Variants in PLA2G7 observed in about 807,000 individuals in gnomAD.
PLA2G7 encodes phospholipase A2 group VII, also known as platelet-activating factor acetylhydrolase.
PLA2G7 carries 63 observed loss-of-function variants against 49.6 expected under a neutral mutation model. The ratio of observed to expected loss-of-function variants is 1.27; its 90% confidence interval spans 1.04 to 1.57. PLA2G7 has a LOEUF of 1.57. Among genes scored for constraint, PLA2G7 ranks in the 40% most tolerant of loss-of-function variants. The probability of loss-of-function intolerance (pLI) is 0.00; values close to 1 mark genes in which losing one functional copy is unlikely to be tolerated. For missense variants in PLA2G7, 596 were observed against 521.2 expected (o/e 1.14, Z -1.40); for synonymous variants, 193 against 169.9 (o/e 1.14, Z -1.06).
Position 46,716,547 on chromosome 6 carries a change from A to T in PLA2G7, c.232-19T>A. On this transcript the variant is annotated intron_variant, in intron 3 of 11. Transcript: ENST00000274793. The stretch of plus-strand genomic sequence containing the variant: ...AGGTGCCCTGTTAAGAAAGAAATTA[A>T]TGCACTTTTAGAGAAGTTGTGTCTC... The T allele has an allele frequency of 6.2e-7, 1 of 1,612,492 alleles. No individual in the cohort carries two copies. The highest frequency in any genetic ancestry group is 8.5e-7 in the Non-Finnish European group (1 of 1,178,780).
intron 10 of PLA2G7, among the ~76,000 whole-genome samples, chr6:46,707,756 T>A (rs957125126): frequency 6.6e-6 from 1 of 152,194 alleles, no homozygotes; most frequent in Non-Finnish European, 1.5e-5. Flanking sequence ...TATTTCCATA[T>A]AGCAATGCAA....
At position 46,711,439 on chromosome 6, in the gene PLA2G7, C is replaced by T. The variant is rs1765016468; in HGVS notation, c.663+57G>A. On this transcript the variant is annotated intron_variant, in intron 7 of 11. Transcript: ENST00000274793. Reference sequence around the variant, plus strand: ...GGTGTAAAATTAAATTAACAAATGTCATCCTTTTGTACATGCTTTTAGGTC... The same window carrying T: ...GGTGTAAAATTAAATTAACAAATGTTATCCTTTTGTACATGCTTTTAGGTC... 4 of 1,590,594 alleles carry T rather than the reference C, an allele frequency of 2.5e-6. No homozygotes were observed. The South Asian group carries it at 4.4e-5, about 18-fold the overall frequency.
At chr6:46,724,542 T>G (rs553735814) in intron 1 of PLA2G7, among the ~76,000 whole-genome samples, 1 of 152,362 alleles carries the variant, frequency 6.6e-6, no homozygotes, top group East Asian at 1.9e-4. Flanking sequence ...AACATCTATG[T>G]GCTTCCCTAC....
intron 1 of PLA2G7, among the ~76,000 whole-genome samples, chr6:46,734,340 G>A (rs1765822699): frequency 6.6e-6 from 1 of 150,662 alleles, no homozygotes; most frequent in Admixed American, 6.6e-5. Context: ...GAGGGAGAAG[G>A]GTGTGTGAGA....
At chr6:46,717,549 T>C (rs6929105) in intron 2 of PLA2G7, among the ~76,000 whole-genome samples, 108,363 of 151,722 alleles carry the variant, frequency 0.71, 39,055 homozygotes, top group Admixed American at 0.78. Context: ...AATGATCATC[T>C]TTCAACTCTC....
At chr6:46,714,064 C>A (rs1262780996) in intron 5 of PLA2G7, among the ~76,000 whole-genome samples, 1 of 152,216 alleles carries the variant, frequency 6.6e-6, no homozygotes, top group Non-Finnish European at 1.5e-5. Flanking sequence ...CAAAGGTTCT[C>A]CCCATCTTTT....
chr6:46,705,132 A>T (rs1562065927), intron 11 of PLA2G7, 21 bp downstream of exon 11: 3 of 1,575,480 alleles, frequency 1.9e-6, no homozygotes, highest in Non-Finnish European at 1.7e-6. Flanking sequence ...GGTTTAGGTC[A>T]TGAAAAAAAT....
chr6:46,710,339 G>A (rs1225075437), intron 8 of PLA2G7, among the ~76,000 whole-genome samples: 1 of 152,010 alleles, frequency 6.6e-6, no homozygotes, highest in Non-Finnish European at 1.5e-5. Flanking sequence ...CTAACTTTTG[G>A]CAATTTCATA....
At chr6:46,716,653 C>A (rs1409336610) in intron 3 of PLA2G7, 125 bp from the exon 4 acceptor site, 6 of 887,514 alleles carry the variant, frequency 6.8e-6, no homozygotes, top group Non-Finnish European at 1.0e-5. Context: ...GTCTAAAGAA[C>A]TTTTTAGGCT....
chr6:46,714,337 A>G, intron 5 of PLA2G7, 123 bp downstream of exon 5: 1 of 768,556 alleles, frequency 1.3e-6, no homozygotes, highest in Non-Finnish European at 2.4e-6. Context: ...CCAATTATTG[A>G]GGAAACCCAA....
upstream of PLA2G7, chr6:46,735,418 C>T (rs201835617): frequency 2.0e-5 from 3 of 152,586 alleles, no homozygotes; most frequent in Middle Eastern, 3.4e-3. Context: ...CCGACCCTCT[C>T]CTCCCCTGGT....
chr6:46,722,826 A>T lies in PLA2G7; in HGVS notation c.66T>A (p.Phe22Leu). 6.2e-7 allele frequency: 1 copy of T among 1,613,790 alleles called. No individual in the cohort carries two copies. The highest frequency in any genetic ancestry group is 1.1e-5 in the South Asian group (1 of 91,064). The change falls in exon 2 of 12, where the codon TTT becomes TTA. Residue 22 changes from phenylalanine to leucine, a missense_variant. Transcript: ENST00000274793. ...LCGCLAVVYPFDWQYINPVAH... is the reference protein window; with the variant it reads ...LCGCLAVVYPLDWQYINPVAH... The stretch of plus-strand genomic sequence containing the variant: ...CAACAGGATTTATGTATTGCCAGTC[A>T]AAAGGATAAACCACAGCCAGGCAGC...
intron 11 of PLA2G7, 97 bp from the exon 12 acceptor site, chr6:46,704,793 A>T: frequency 1.3e-6 from 1 of 772,408 alleles, no homozygotes; most frequent in Non-Finnish European, 2.2e-6. Flanking sequence ...AAATTACACA[A>T]GTTCCGTTAG....
intron 2 of PLA2G7, among the ~76,000 whole-genome samples, chr6:46,718,547 A>G (rs1227878570): frequency 2.6e-5 from 4 of 152,132 alleles, no homozygotes; most frequent in African/African-American, 9.7e-5. Flanking sequence ...TCCTTGTGCT[A>G]CAGTACTCCT....
At chr6:46,714,574 A>T in intron 4 of PLA2G7, 21 bp from the exon 5 acceptor site, 4 of 1,406,816 alleles carry the variant, frequency 2.8e-6, no homozygotes, top group Non-Finnish European at 4.0e-6. Context: ...ATGGAAGGTT[A>T]TAGTTAAGGT....
intron 10 of PLA2G7, 92 bp downstream of exon 10, chr6:46,707,899 G>A: frequency 1.3e-6 from 1 of 763,364 alleles, no homozygotes; most frequent in South Asian, 1.6e-5. Context: ...AACCAATTCA[G>A]CAATTCTTTA....
chr6:46,729,082 C>T (rs1377898514), intron 1 of PLA2G7, among the ~76,000 whole-genome samples: 1 of 152,058 alleles, frequency 6.6e-6, no homozygotes, highest in Non-Finnish European at 1.5e-5. Flanking sequence ...CTACACAGCC[C>T]CAGGAATCTG....
chr6:46,724,023 G>A (rs1485030827), intron 1 of PLA2G7, among the ~76,000 whole-genome samples: 2 of 152,086 alleles, frequency 1.3e-5, no homozygotes, highest in African/African-American at 4.8e-5. Flanking sequence ...CTTTGAATGT[G>A]TTCCCTTTTA....
intron 1 of PLA2G7, among the ~76,000 whole-genome samples, chr6:46,728,949 G>C (rs1765651386): frequency 6.6e-6 from 1 of 152,176 alleles, no homozygotes; most frequent in Non-Finnish European, 1.5e-5. Context: ...CTTCAGTTAA[G>C]TTCTTACCTA....
Sources: allele counts gnomAD v4.1 joint callset (sites outside exome capture counted in the v4.1 genomes callset), GRCh38; gene constraint gnomAD v4.1.1; transcripts MANE v1.5; gene names NCBI Gene and HGNC (gene_info 2026-07-23, HGNC 2026-07-21).